CTNNA2: variants seen among roughly 807,000 people sequenced by gnomAD.
The protein encoded by CTNNA2 is catenin alpha 2, also known as catenin alpha-2.
A neutral mutation model predicts 101.0 loss-of-function variants in CTNNA2; 42 were observed. That is an observed-to-expected ratio of 0.42 (90% CI 0.32 to 0.54). The LOEUF (loss-of-function observed/expected upper bound fraction) is 0.54, where lower values mean the gene tolerates loss of function less well. CTNNA2 is among the 20% of genes least tolerant of loss of function. The pLI, the probability that CTNNA2 is intolerant of heterozygous loss-of-function variation, is 0.14. For synonymous variants in CTNNA2, 450 were observed against 456.4 expected (o/e 0.99, Z 0.18); for missense variants, 871 against 1,223.1 (o/e 0.71, Z 4.29).
At chr2:80,556,832 G>GA (rs1356751859) in intron 12 of CTNNA2, among the ~76,000 whole-genome samples, 3 of 152,228 alleles carry the variant, frequency 2.0e-5, no homozygotes, top group Admixed American at 2.0e-4. Flanking sequence ...TATATGCACA[G>GA]AAGGGCCTCT....
intron 7 of CTNNA2, among the ~76,000 whole-genome samples, chr2:80,133,034 C>G (rs1053223531): frequency 4.6e-5 from 7 of 152,126 alleles, no homozygotes; most frequent in African/African-American, 1.4e-4. Context: ...CAGGTTTAAT[C>G]AAGTTAAGAT....
chr2:79,467,762 A>G (rs988785190), intron 4 of CTNNA2, among the ~76,000 whole-genome samples: 1 of 152,234 alleles, frequency 6.6e-6, no homozygotes, highest in Admixed American at 6.5e-5. Context: ...CCAGAATTTC[A>G]TATCCAGGCA....
chr2:79,212,550 T>C (rs1286186776), intron 2 of CTNNA2, among the ~76,000 whole-genome samples: 1 of 152,126 alleles, frequency 6.6e-6, no homozygotes, highest in Non-Finnish European at 1.5e-5. Context: ...CTGAGGACTG[T>C]AAGGGATATA....
intron 4 of CTNNA2, among the ~76,000 whole-genome samples, chr2:79,406,470 G>A (rs529962702): frequency 7.9e-5 from 12 of 152,060 alleles, no homozygotes; most frequent in African/African-American, 2.6e-4. Context: ...ACCTCACTCT[G>A]GAAAGATTTA....
At chr2:80,276,979 G>T (rs1169126504) in intron 7 of CTNNA2, among the ~76,000 whole-genome samples, 1 of 152,182 alleles carries the variant, frequency 6.6e-6, no homozygotes, top group Non-Finnish European at 1.5e-5. Context: ...CTCTAGAGGG[G>T]ACAGTTGTAG....
In CTNNA2 at chr2:80,303,970, C is replaced by T; in HGVS notation, c.1057-89241C>T. On this transcript the variant is annotated intron_variant, in intron 7 of 18. Transcript: ENST00000402739. This position sits in a 1 kb window ranked among gnomAD's most constrained non-coding sequence, Gnocchi z 7.7. ...AAATACATAGAAATAAAGAAGGACC[C>T]CCCTCCCCAAAAACCACACGTTCAC... The T allele has an allele frequency of 1.1e-6, 1 of 924,182 alleles. No homozygotes were observed. The highest frequency in any genetic ancestry group is 1.5e-6 in the Non-Finnish European group (1 of 656,280). 57.2% of individuals were successfully genotyped at this position (924,182 alleles called of 1,614,324 possible). A position where few individuals can be genotyped will look rare whatever the true frequency, so the allele number is the denominator to read the frequency against.
At chr2:79,348,899 T>C (rs1360313442) in intron 3 of CTNNA2, among the ~76,000 whole-genome samples, 1 of 152,184 alleles carries the variant, frequency 6.6e-6, no homozygotes, top group East Asian at 1.9e-4. Context: ...AGCAGTTCAT[T>C]GCATTTATCT....
chr2:80,387,229 C>A (rs1325750104), intron 7 of CTNNA2, among the ~76,000 whole-genome samples: 1 of 151,878 alleles, frequency 6.6e-6, no homozygotes, highest in South Asian at 2.1e-4. Flanking sequence ...GCGGAGCTTG[C>A]AGTGAGCCGA....
intron 2 of CTNNA2, among the ~76,000 whole-genome samples, chr2:79,724,938 T>C (rs1573796987): frequency 6.6e-6 from 1 of 152,150 alleles, no homozygotes; most frequent in Non-Finnish European, 1.5e-5. Context: ...TACCCTGCTC[T>C]TGACTTTCTG....
intron 1 of CTNNA2, among the ~76,000 whole-genome samples, chr2:79,531,364 A>G (rs539393955): frequency 2.0e-5 from 3 of 151,862 alleles, no homozygotes; most frequent in Admixed American, 6.6e-5. Context: ...CTTACTTTGA[A>G]TAACAGTGTT....
intron 7 of CTNNA2, among the ~76,000 whole-genome samples, chr2:80,157,971 A>G (rs1704084124): frequency 6.6e-6 from 1 of 152,182 alleles, no homozygotes; most frequent in South Asian, 2.1e-4. Flanking sequence ...TTTTGTCATC[A>G]TATTGTTTTT....
intron 18 of CTNNA2, among the ~76,000 whole-genome samples, chr2:80,641,425 TATTGTAAATATATGAATTCAGAACACAC>T (rs1673472134): frequency 6.6e-6 from 1 of 152,172 alleles, no homozygotes; most frequent in Non-Finnish European, 1.5e-5. Context: ...TCTCCATGCA[TATTGTAAATATATGAATTCAGAACACAC>T]AGTCAAATCC....
At chr2:79,926,045 A>AT (rs1445516312) in intron 7 of CTNNA2, among the ~76,000 whole-genome samples, 4 of 152,144 alleles carry the variant, frequency 2.6e-5, no homozygotes, top group Non-Finnish European at 5.9e-5. Flanking sequence ...AAATATCCAA[A>AT]TGAATTCACA....
At chr2:80,633,799 C>G (rs1479504254) in intron 18 of CTNNA2, among the ~76,000 whole-genome samples, 5 of 152,310 alleles carry the variant, frequency 3.3e-5, no homozygotes, top group African/African-American at 1.2e-4. Flanking sequence ...TTCTGTGCCT[C>G]TTAGATGCTG....
At chr2:79,674,088 C>G (rs1450105360) in intron 2 of CTNNA2, among the ~76,000 whole-genome samples, 4 of 152,140 alleles carry the variant, frequency 2.6e-5, no homozygotes, top group Admixed American at 6.5e-5. Context: ...TTCAGTAGGT[C>G]TGGGGTGAAA....
intron 3 of CTNNA2, among the ~76,000 whole-genome samples, chr2:79,851,737 C>CTTTTTTTTTTTTTTTTTTTTTTTTTTTTT (rs11399192): frequency 3.4e-5 from 3 of 87,126 alleles, no homozygotes; most frequent in East Asian, 3.8e-4. Context: ...TTTTCTTTTC[C>CTTTTTTTTTTTTTTTTTTTTTTTTTTTTT]TTTTTTTTTT....
chr2:80,387,801 A>G (rs184102783), intron 7 of CTNNA2, among the ~76,000 whole-genome samples: 1 of 152,286 alleles, frequency 6.6e-6, no homozygotes, highest in East Asian at 1.9e-4. Flanking sequence ...TCTTCCCCAA[A>G]TGCGTTTTGT....
chr2:80,576,801 A>AAAAAAAAAAAAAAAC (rs1695092446), intron 13 of CTNNA2, among the ~76,000 whole-genome samples: 1 of 150,804 alleles, frequency 6.6e-6, no homozygotes, highest in African/African-American at 2.4e-5. Context: ...AAAAAAAAAA[A>AAAAAAAAAAAAAAAC]AAAAAAATAC....
At chr2:79,236,993 A>C (rs558968738) in intron 2 of CTNNA2, among the ~76,000 whole-genome samples, 4 of 152,334 alleles carry the variant, frequency 2.6e-5, no homozygotes, top group African/African-American at 9.6e-5. Flanking sequence ...TTGGAGCATG[A>C]CTGAAAAATT....
Sources: gnomAD v4.1 joint callset for allele counts (sites outside exome capture counted in the v4.1 genomes callset) on GRCh38, gnomAD v4.1.1 for gene constraint, Gnocchi (gnomAD v3.1) non-coding constraint, MANE v1.5 for transcripts, NCBI Gene and HGNC (gene_info 2026-07-23, HGNC 2026-07-21) for gene names.